The following ASPM variants were observed in gnomAD, a reference collection of about 807,000 sequenced individuals.
ASPM encodes assembly factor for spindle microtubules, also known as abnormal spindle-like microcephaly-associated protein.
A neutral mutation model predicts 366.4 loss-of-function variants in ASPM; 256 were observed. The observed-to-expected ratio is 0.70, with a 90% confidence interval of 0.63 to 0.77. ASPM has a LOEUF of 0.77. Ranked by LOEUF, ASPM falls within the 30% of genes least tolerant of loss-of-function variation. The pLI, the probability that ASPM is intolerant of heterozygous loss-of-function variation, is 0.00. For missense variants in ASPM, 4,146 were observed against 4,090.4 expected (o/e 1.01, Z -0.37); for synonymous variants, 1,414 against 1,342.9 (o/e 1.05, Z -1.16).
At chr1:197,126,011 C>A (rs889817257) in intron 10 of ASPM, among the ~76,000 whole-genome samples, 1 of 152,108 alleles carries the variant, frequency 6.6e-6, no homozygotes, top group East Asian at 1.9e-4. Context: ...ATAAAACAGT[C>A]ATTTTGCTGA....
At chr1:197,125,234 T>A (rs1281928801) in intron 10 of ASPM, 43 bp from the exon 11 acceptor site, 1 of 1,606,282 alleles carries the variant, frequency 6.2e-7, no homozygotes, top group African/African-American at 1.3e-5. Flanking sequence ...CATAAAAACG[T>A]ATATGAAAAA....
In ASPM at chr1:197,124,907, G is replaced by A. The variant is rs1658036857; in HGVS notation, c.3131C>T (p.Thr1044Ile). 1 of 1,611,572 alleles carries A rather than the reference G, an allele frequency of 6.2e-7. No homozygotes were observed. The highest frequency in any genetic ancestry group is 1.3e-5 in the African/African-American group (1 of 74,938). ...KDIVDRHREKTLRLLWKIAFA... is the reference protein window; with the variant it reads ...KDIVDRHREKILRLLWKIAFA... ...CGCTATTTTCCAAAGCAACCTGAGA[G>A]TTTTTTCTCTGTGCCTATCCACAAT... The change falls in exon 12 of 28, where the codon ACT (threonine) becomes ATT (isoleucine). Residue 1044 changes from threonine (T) to isoleucine (I), a missense_variant. Thr to Ile is a moderately conservative substitution (Grantham distance 89, BLOSUM62 -1). Around this residue, in one of 3 missense-constraint regions of ASPM, gnomAD observed 3,624 missense variants for 3,591.7 expected, o/e 1.01. Coordinates refer to ENST00000367409, the MANE Select transcript of ASPM (RefSeq NM_018136.5).
At chr1:197,131,894 T>A (rs1658266410) in intron 7 of ASPM, among the ~76,000 whole-genome samples, 2 of 152,264 alleles carry the variant, frequency 1.3e-5, no homozygotes, top group Non-Finnish European at 2.9e-5. Context: ...TTCTGTTTCG[T>A]TAGTGAAGTG....
intron 17 of ASPM, among the ~76,000 whole-genome samples, chr1:197,114,199 G>A (rs6680497): frequency 0.78 from 119,272 of 152,130 alleles, 50,005 homozygotes; most frequent in East Asian, 1. Flanking sequence ...CAAAACCATT[G>A]TGTCTAAAAC....
rs1419494328 is a variant in ASPM, at chr1:197,084,430, T to TA, written c.10332-5_10332-4insT. 6.4e-7 allele frequency: 1 copy of TA among 1,551,386 alleles called. No homozygotes were observed. The highest frequency in any genetic ancestry group is 1.1e-5 in the South Asian group (1 of 87,666). ...CAAAACCCAATCTGGCTTAAGTCTGTTAAAAAAAAAAAAAAAGTCTGGCAT... is the reference window on the plus strand; with the variant it reads ...CAAAACCCAATCTGGCTTAAGTCTGTATAAAAAAAAAAAAAAAGTCTGGCAT... On this transcript the variant is annotated splice_polypyrimidine_tract_variant and splice_region_variant and intron_variant, in intron 27 of 27. Transcript: ENST00000367409.
At chr1:197,132,718 ATGTG>A (rs756019670) in intron 6 of ASPM, among the ~76,000 whole-genome samples, 1 of 150,524 alleles carries the variant, frequency 6.6e-6, no homozygotes, top group Non-Finnish European at 1.5e-5. Context: ...GGGTATGTGT[ATGTG>A]TGTGTACGTA....
intron 24 of ASPM, 23 bp from the exon 25 acceptor site, chr1:197,090,107 A>T (rs1033820847): frequency 3.2e-5 from 52 of 1,613,240 alleles, no homozygotes; most frequent in African/African-American, 5.3e-5. Context: ...AAAAACACAC[A>T]CACACAGGTA....
At position 197,135,236 on chromosome 1, in the gene ASPM, G is replaced by A; in HGVS notation, c.2033C>T (p.Pro678Leu). Reference sequence around the variant, plus strand: ...TGCAGCAAATGGCATCGGGTGTCTGGGAATATCTAAGAATACAATTAGGTT... The same window carrying A: ...TGCAGCAAATGGCATCGGGTGTCTGAGAATATCTAAGAATACAATTAGGTT... ...TFIKPLKTDI[P>L]RHPMPFAAKN... is the part of the protein sequence containing the mutation. The change falls in exon 5 of 28, where the codon CCC (proline) becomes CTC (leucine). Residue 678 changes from proline (P) to leucine (L), a missense_variant. By Grantham distance (98) the Pro-to-Leu change is moderately conservative. Around this residue, in one of 3 missense-constraint regions of ASPM, gnomAD observed 3,624 missense variants for 3,591.7 expected, o/e 1.01. Coordinates refer to ENST00000367409, the MANE Select transcript of ASPM (RefSeq NM_018136.5). 1 of 1,613,816 alleles carries A rather than the reference G, an allele frequency of 6.2e-7. No homozygotes were observed. Among genetic ancestry groups the A allele is most frequent in the Non-Finnish European group, 8.5e-7 (1 of 1,179,926 alleles).
chr1:197,117,049 G>A (rs890624149), intron 17 of ASPM, among the ~76,000 whole-genome samples: 6 of 151,806 alleles, frequency 4.0e-5, no homozygotes, highest in Non-Finnish European at 8.8e-5. Context: ...TTTATTTTGG[G>A]TAATTTTCTA....
rs748503995 is a variant in ASPM, at chr1:197,103,778, ATTG to A, written c.5470_5472del (p.Gln1824del). 3 of 1,612,920 alleles carry A rather than the reference ATTG, an allele frequency of 1.9e-6. No individual in the cohort carries two copies. In the African/African-American group the frequency reaches 4.0e-5, roughly 22 times the overall value. On this transcript the variant is annotated inframe_deletion, in exon 18 of 28. Transcript: ENST00000367409. Reference sequence around the variant, plus strand: ...GACTGAATTTTAAGAGCAGCTATAGATTGTTGTTTGATTAGCTGGCGTACTTTA... The same window carrying A: ...GACTGAATTTTAAGAGCAGCTATAGATTGTTTGATTAGCTGGCGTACTTTA...
chr1:197,135,248 A>C lies in ASPM; in HGVS notation c.2027-6T>G, dbSNP rs1658381555. On this transcript the variant is annotated splice_polypyrimidine_tract_variant and splice_region_variant and intron_variant, in intron 4 of 27. Coordinates refer to ENST00000367409, the MANE Select transcript of ASPM (RefSeq NM_018136.5). ...CATCGGGTGTCTGGGAATATCTAAG[A>C]ATACAATTAGGTTACTGCATAACAA... 3 of 1,613,840 alleles carry C rather than the reference A, an allele frequency of 1.9e-6. No homozygotes were observed. The highest frequency in any genetic ancestry group is 2.5e-6 in the Non-Finnish European group (3 of 1,179,802).
At position 197,142,603 on chromosome 1, in the gene ASPM, G is replaced by T; in HGVS notation, c.1649C>A (p.Pro550Gln). 1.9e-6 allele frequency: 3 copies of T among 1,612,748 alleles called. No homozygotes were observed. Among genetic ancestry groups the T allele is most frequent in the Non-Finnish European group, 2.5e-6 (3 of 1,178,928 alleles). The change falls in exon 3 of 28, where the codon CCA becomes CAA. Residue 550 changes from proline (P) to glutamine (Q), a missense_variant. Transcript: ENST00000367409. ...DFHSYLPIID[P>Q]ILSKSKSYKN... ...ATAACTCTTAGATTTACTTAATATT[G>T]GATCTATAATTGGAAGATAAGAATG... is the stretch of plus-strand genomic sequence containing the variant.
Position 197,143,625 on chromosome 1 carries a change from G to T in ASPM, c.627C>A (p.Asn209Lys). 1 of 1,613,184 alleles carries T rather than the reference G, an allele frequency of 6.2e-7. No homozygotes were observed. Reference sequence around the variant, plus strand: ...TATTTTCTTCAAGTATTAAAGAATTGTTTTCTGTTGGGGGACCGCCTTCAT... The same window carrying T: ...TATTTTCTTCAAGTATTAAAGAATTTTTTTCTGTTGGGGGACCGCCTTCAT... ...AMNEGGPPTE[N>K]NSLILEENKI... Residue 209 changes from asparagine to lysine, a missense_variant, in exon 3 of 28, where the codon AAC becomes AAA. Physicochemically the swap from Asn to Lys is moderately conservative, Grantham distance 94. This residue lies in a region of ASPM where 512 missense variants were observed against 471.7 expected (regional missense o/e 1.09). Coordinates refer to ENST00000367409, the MANE Select transcript of ASPM (RefSeq NM_018136.5).
At chr1:197,130,624 T>C (rs538391531) in intron 7 of ASPM, among the ~76,000 whole-genome samples, 1 of 152,280 alleles carries the variant, frequency 6.6e-6, no homozygotes, top group Admixed American at 6.5e-5. Context: ...TGACAAAATA[T>C]AAAGATTAAA....
Position 197,090,374 on chromosome 1 carries a change from G to T in ASPM, c.9651C>A (p.Gly3217=), listed in dbSNP as rs1283757703. ...GIIKIQALWR[G]YSWRKKNDCT... ...AATCATTTTTCTTCCTCCAAGAATA[G>T]CCTCTCCATAATGCCTTAAAGAGAT... is the stretch of plus-strand genomic sequence containing the variant. Residue 3217 remains glycine, a synonymous_variant, in exon 24 of 28, where the codon GGC becomes GGA. Transcript: ENST00000367409. 3 of 1,609,028 alleles carry T rather than the reference G, an allele frequency of 1.9e-6. No homozygotes were observed. In the South Asian group the frequency reaches 3.3e-5, roughly 18 times the overall value.
At chr1:197,146,058 C>T in intron 1 of ASPM, 83 bp downstream of exon 1, 1 of 1,553,982 alleles carries the variant, frequency 6.4e-7, no homozygotes, top group Non-Finnish European at 8.9e-7. Context: ...CTTCTCCAAT[C>T]GTCAACCTTC....
chr1:197,128,358 ACCTC>A, intron 10 of ASPM, 128 bp downstream of exon 10: 1 of 942,466 alleles, frequency 1.1e-6, no homozygotes, highest in Non-Finnish European at 1.6e-6. Flanking sequence ...AAAAAAAAAA[ACCTC>A]AATTTTTTTC....
intron 8 of ASPM, among the ~76,000 whole-genome samples, chr1:197,129,674 G>A (rs546071313): frequency 2.0e-5 from 3 of 152,226 alleles, no homozygotes; most frequent in African/African-American, 4.8e-5. Flanking sequence ...CAACAAACAT[G>A]ACCCCCATAG....
At chr1:197,139,903 A>G in intron 3 of ASPM, 32 bp from the exon 4 acceptor site, 1 of 1,450,892 alleles carries the variant, frequency 6.9e-7, no homozygotes, top group Non-Finnish European at 9.7e-7. Flanking sequence ...AACTAAGAGC[A>G]TTAAAATACA....
Sources: gnomAD v4.1 joint callset for allele counts (sites outside exome capture counted in the v4.1 genomes callset) on GRCh38, gnomAD v4.1.1 for gene constraint, gnomAD v4.1.1 regional missense constraint, MANE v1.5 for transcripts, NCBI Gene and HGNC (gene_info 2026-07-23, HGNC 2026-07-21) for gene names.